Variants in USP54 observed in about 807,000 individuals in gnomAD.
USP54 encodes ubiquitin carboxyl-terminal hydrolase 54.
USP54 carries 87 observed loss-of-function variants against 170.5 expected under a neutral mutation model. The ratio of observed to expected loss-of-function variants is 0.51; its 90% CI spans 0.43 to 0.61. The LOEUF is 0.61. USP54 is among the 20% of genes least tolerant of loss of function. The pLI is 0.00. For missense variants in USP54, 1,786 were observed against 2,047.8 expected, an observed-to-expected ratio of 0.87 and a Z score of 2.47; for synonymous variants, 655 against 742.8, an observed-to-expected ratio of 0.88 and a Z score of 1.92.
intron 9 of USP54, among the ~76,000 whole-genome samples, chr10:73,540,444 C>T (rs979381254): frequency 6.6e-6 from 1 of 151,978 alleles, no homozygotes; most frequent in Admixed American, 6.6e-5. Flanking sequence ...GTGGCAGGCA[C>T]CTGTAGTCCC....
intron 20 of USP54, 71 bp from the exon 21 acceptor site, chr10:73,505,497 C>T: frequency 8.2e-7 from 1 of 1,217,252 alleles, no homozygotes; most frequent in East Asian, 2.4e-5. Context: ...AGCCTAGCAG[C>T]ACAAACTCAG....
Position 73,545,614 on chromosome 10 carries a change from C to T in USP54, c.299G>A (p.Arg100His), listed in dbSNP as rs1341862324. 1 of 1,614,134 alleles carries T rather than the reference C, an allele frequency of 6.2e-7. No homozygotes were observed. Among genetic ancestry groups the T allele is most frequent in the South Asian group, 1.1e-5 (1 of 91,076 alleles). ...SEKVLPSDTL[R>H]SALAKTFQDE... Reference sequence around the variant, plus strand: ...CTGGAAAGTCTTTGCCAGAGCACTGCGGAGAGTGTCAGATGGAAGCACTTT... The same window carrying T: ...CTGGAAAGTCTTTGCCAGAGCACTGTGGAGAGTGTCAGATGGAAGCACTTT... The change falls in exon 5 of 24, where the codon CGC becomes CAC. Residue 100 changes from arginine to histidine, a missense_variant. Arg to His is a conservative substitution (Grantham distance 29). This residue lies in a region of USP54 where 361 missense variants were observed against 455.0 expected (regional missense o/e 0.79). Transcript: ENST00000687698.
chr10:73,581,244 G>T (rs2076867646), intron 1 of USP54, among the ~76,000 whole-genome samples: 1 of 152,212 alleles, frequency 6.6e-6, no homozygotes, highest in Admixed American at 6.5e-5. Flanking sequence ...GGGCAACATG[G>T]TAAACTTCTA....
chr10:73,607,353 CAGAA>C (rs2079747732), intron 1 of USP54, among the ~76,000 whole-genome samples: 1 of 130,490 alleles, frequency 7.7e-6, no homozygotes, highest in African/African-American at 2.9e-5. Context: ...AAAAAATAAA[CAGAA>C]AGAAGACTTA....
At chr10:73,525,859 T>C (rs554780963) in intron 16 of USP54, among the ~76,000 whole-genome samples, 9 of 152,368 alleles carry the variant, frequency 5.9e-5, no homozygotes, top group African/African-American at 1.9e-4. Flanking sequence ...CCTCTAAGAA[T>C]TGTCAGTAAC....
At chr10:73,500,941 C>G in intron 22 of USP54, 103 bp from the exon 23 acceptor site, 1 of 1,284,122 alleles carries the variant, frequency 7.8e-7, no homozygotes, top group Non-Finnish European at 1.1e-6. Context: ...ATGGAGGGAA[C>G]CAGAGCACAA....
chr10:73,591,917 T>TA (rs1329006990), upstream of USP54, among the ~76,000 whole-genome samples: 1 of 152,204 alleles, frequency 6.6e-6, no homozygotes, highest in Non-Finnish European at 1.5e-5. Context: ...CCAACTGTCT[T>TA]AAACGAGCCA....
intron 12 of USP54, among the ~76,000 whole-genome samples, chr10:73,534,097 T>C (rs1049805989): frequency 6.6e-6 from 1 of 152,392 alleles, no homozygotes; most frequent in South Asian, 2.1e-4. Flanking sequence ...CAATGGAGCA[T>C]CACGGTTCAT....
At chr10:73,539,294 TAA>T (rs1230364085) in intron 10 of USP54, 148 bp downstream of exon 10, 141 of 208,660 alleles carry the variant, frequency 6.8e-4, no homozygotes, top group Non-Finnish European at 9.0e-4. Context: ...AAAAAAAAAT[TAA>T]AAAAAAAAAA....
chr10:73,503,896 C>T (rs998672848), intron 22 of USP54, among the ~76,000 whole-genome samples: 1 of 152,116 alleles, frequency 6.6e-6, no homozygotes, highest in African/African-American at 2.4e-5. Flanking sequence ...CCATGCCTGG[C>T]TAATTTTTAT....
intron 21 of USP54, 67 bp downstream of exon 21, chr10:73,505,241 A>C: frequency 2.0e-6 from 3 of 1,468,882 alleles, no homozygotes; most frequent in Non-Finnish European, 2.8e-6. Context: ...TCCCTGTCAC[A>C]TCTCTCCATA....
Position 73,571,494 on chromosome 10 carries a change from A to G in USP54, c.167T>C (p.Ile56Thr). Residue 56 changes from isoleucine (I) to threonine (T), a missense_variant, in exon 4 of 24, where the codon ATC becomes ACC. Physicochemically the swap from Ile to Thr is moderately conservative, Grantham distance 89. Transcript: ENST00000687698. ...AAGCTGCCTAAAGCTACGTCGGAAG[A>G]TATCCAAGTGCCACAAAACCTGATG... ...SALQVLWHLD[I>T]FRRSFRQLTT... The G allele has an allele frequency of 1.2e-6, 2 of 1,613,912 alleles. No homozygotes were observed. The highest frequency in any genetic ancestry group is 1.7e-6 in the Non-Finnish European group (2 of 1,179,910).
intron 11 of USP54, 91 bp from the exon 12 acceptor site, chr10:73,534,861 A>G: frequency 7.8e-7 from 1 of 1,275,114 alleles, no homozygotes; most frequent in Non-Finnish European, 1.1e-6. Context: ...AAAGCTCCAT[A>G]AGGCAAGAAC....
chr10:73,615,335 G>C (rs1480926830), intron 1 of USP54: 2 of 150,382 alleles, frequency 1.3e-5, no homozygotes, highest in Non-Finnish European at 2.9e-5. Flanking sequence ...CTCCAGCCTG[G>C]GCAACAGAGC....
rs770023333 is a variant in USP54 at position 73,520,926 on chromosome 10, G to A, written c.2464C>T (p.Leu822Phe). The change falls in exon 18 of 24, where the codon CTC (leucine) becomes TTC (phenylalanine). Residue 822 changes from leucine (L) to phenylalanine (F), a missense_variant. This residue lies in a region of USP54 where 1,418 missense variants were observed against 1,569.0 expected (regional missense o/e 0.90). Transcript: ENST00000687698. The part of the protein sequence containing the change: ...QKGDCAAALA[L>F]CNEAISKLRL... Reference sequence around the variant, plus strand: ...TACTTACAGATAGCTTCATTACAGAGAGCCAAAGCTGCAGCACAGTCTCCT... The same window carrying A: ...TACTTACAGATAGCTTCATTACAGAAAGCCAAAGCTGCAGCACAGTCTCCT... The A allele has an allele frequency of 3.1e-6, 5 of 1,614,020 alleles. No homozygotes were observed. The Admixed American group carries it at 5.0e-5, about 16-fold the overall frequency.
Position 73,526,713 on chromosome 10 carries a change from T to C in USP54, c.2128A>G (p.Ser710Gly), listed in dbSNP as rs1234205540. ...SWRHIPKSHS[S>G]SILEVDSTAS... ...GTGGAGTCTACCTCCAGGATGCTACTGCTGTGCGACTTTGGGATATGACGC... is the reference window on the plus strand; with the variant it reads ...GTGGAGTCTACCTCCAGGATGCTACCGCTGTGCGACTTTGGGATATGACGC... Residue 710 changes from serine to glycine, a missense_variant, in exon 16 of 24, where the codon AGT becomes GGT. By Grantham distance (56) the Ser-to-Gly change is moderately conservative (BLOSUM62 0). Coordinates refer to ENST00000687698, the MANE Select transcript of USP54 (RefSeq NM_001391956.1). 6.2e-7 allele frequency: 1 copy of C among 1,614,218 alleles called. No individual in the cohort carries two copies.
intron 1 of USP54, among the ~76,000 whole-genome samples, chr10:73,602,722 G>A (rs1178982240): frequency 6.6e-6 from 1 of 151,746 alleles, no homozygotes; most frequent in African/African-American, 2.4e-5. Flanking sequence ...CAGGCGTGGT[G>A]GTGTGCGCCT....
chr10:73,589,514 A>G (rs1196991665), intron 1 of USP54, among the ~76,000 whole-genome samples: 1 of 152,238 alleles, frequency 6.6e-6, no homozygotes, highest in Non-Finnish European at 1.5e-5. Flanking sequence ...AATCATTTAG[A>G]ACCAGAGATT....
In USP54 at chr10:73,542,920, C is replaced by A. The variant is rs1010289508; in HGVS notation, c.490-35G>T. ...AGAGAAAAAGGCAAAACCAAGCAAC[C>A]ATAATCAGGAACTGTTTTGGCACCC... On this transcript the variant is annotated intron_variant, in intron 6 of 23. Transcript: ENST00000687698. The A allele has an allele frequency of 1.5e-5, 25 of 1,613,214 alleles. No individual in the cohort carries two copies. The Admixed American group carries it at 2.3e-4, about 15-fold the overall frequency.
Sources: allele counts gnomAD v4.1 joint callset (sites outside exome capture counted in the v4.1 genomes callset), GRCh38; gene constraint gnomAD v4.1.1; regional missense constraint gnomAD v4.1.1; transcripts MANE v1.5; gene names NCBI Gene and HGNC (gene_info 2026-07-23, HGNC 2026-07-21).